The following GDA variants were observed in gnomAD, a reference collection of about 807,000 sequenced individuals.
GDA encodes cytoplasmic PSD-95 interactor.
Under a neutral mutation model 59.6 loss-of-function variants are expected in GDA, and 18 were observed. The observed-to-expected ratio is 0.30, with a 90% CI of 0.21 to 0.45. GDA has a LOEUF of 0.45. Among genes scored for constraint, GDA ranks in the 20% least tolerant of loss-of-function variants. GDA has a pLI of 1.00. For synonymous variants in GDA, 201 were observed against 201.1 expected (o/e 1.00, Z 0.00); for missense variants, 427 against 552.3 (o/e 0.77, Z 2.27).
rs57189170 is a variant in GDA at position 72,127,510 on chromosome 9, G to A, written c.-100+12677G>A. ...AAATTAGTTAGGTGTGGTGGTGTGCGTCTGTAGTCCCAGCTACTCAGGAGG... is the reference window on the plus strand; with the variant it reads ...AAATTAGTTAGGTGTGGTGGTGTGCATCTGTAGTCCCAGCTACTCAGGAGG... On this transcript the variant is annotated intron_variant, in intron 1 of 13. Transcript: ENST00000545168. 7.0e-3 allele frequency among the ~76,000 whole-genome samples: 1,061 copies of A among 151,860 alleles called. 11 individuals are homozygous for A. Among genetic ancestry groups the A allele is most frequent in the African/African-American group, 0.024 (987 of 41,394 alleles).
intron 6 of GDA, 144 bp from the exon 7 acceptor site, chr9:72,222,975 TG>T (rs752999287): frequency 8.0e-6 from 4 of 498,972 alleles, no homozygotes; most frequent in Non-Finnish European, 1.1e-5. Context: ...CTCAAAGTGC[TG>T]GGATTACAGG....
chr9:72,206,753 C>T (rs920395300), intron 3 of GDA, among the ~76,000 whole-genome samples: 2 of 152,082 alleles, frequency 1.3e-5, no homozygotes, highest in African/African-American at 4.8e-5. Flanking sequence ...GTCTGGGTGA[C>T]AGAGTGAGAC....
chr9:72,182,159 AATTAAC>A (rs1222288028), intron 1 of GDA, among the ~76,000 whole-genome samples: 1 of 152,164 alleles, frequency 6.6e-6, no homozygotes, highest in East Asian at 1.9e-4. Context: ...TGGGTCAGGA[AATTAAC>A]ATAGGTATAA....
chr9:72,247,172 A>C (rs575795061), intron 12 of GDA, among the ~76,000 whole-genome samples: 1 of 152,226 alleles, frequency 6.6e-6, no homozygotes, highest in African/African-American at 2.4e-5. Context: ...CAAAATTCAC[A>C]TACCCAGAAC....
chr9:72,225,831 A>G (rs1419517284), intron 8 of GDA, 47 bp downstream of exon 8: 1 of 718,392 alleles, frequency 1.4e-6, no homozygotes, highest in Non-Finnish European at 2.4e-6. Flanking sequence ...GGGCATATTT[A>G]TCTCAATTTT....
chr9:72,205,075 C>T (rs1275044434), intron 3 of GDA, among the ~76,000 whole-genome samples: 2 of 139,532 alleles, frequency 1.4e-5, no homozygotes, highest in African/African-American at 5.4e-5. Flanking sequence ...CAGGCCACTA[C>T]ACTCTAGCCT....
At position 72,210,188 on chromosome 9, in the gene GDA, C is replaced by A; in HGVS notation, c.385-499C>A. 1.3e-5 allele frequency among the ~76,000 whole-genome samples: 2 copies of A among 152,184 alleles called. 1 individual carries two copies. The highest frequency in any genetic ancestry group is 4.8e-5 in the African/African-American group (2 of 41,434). ...TTCCAAGAAGATATTGAAATGTTTT[C>A]TCTGCTCATGTCTCTCCTCTCATGT... On this transcript the variant is annotated intron_variant, in intron 3 of 13. Transcript: ENST00000358399.
intron 1 of GDA, among the ~76,000 whole-genome samples, chr9:72,171,575 T>C (rs1005133889): frequency 2.0e-5 from 3 of 152,150 alleles, no homozygotes; most frequent in Non-Finnish European, 2.9e-5. Context: ...ATTTTTTTTT[T>C]CCTGTTCAGA....
intron 1 of GDA, among the ~76,000 whole-genome samples, chr9:72,118,130 G>T (rs1383167650): frequency 6.6e-6 from 1 of 151,750 alleles, no homozygotes; most frequent in Non-Finnish European, 1.5e-5. Context: ...AAATTAGGCG[G>T]GCATGGTGGC....
intron 1 of GDA, among the ~76,000 whole-genome samples, chr9:72,163,890 G>A (rs1828965097): frequency 6.6e-6 from 1 of 152,212 alleles, no homozygotes; most frequent in South Asian, 2.1e-4. Context: ...AGTTTCAGCA[G>A]CCAGGCTTGC....
intron 1 of GDA, among the ~76,000 whole-genome samples, chr9:72,154,528 C>T (rs775208813): frequency 1.3e-5 from 2 of 152,082 alleles, no homozygotes; most frequent in Non-Finnish European, 2.9e-5. Flanking sequence ...GGTCACAGAA[C>T]CTTAGCTTTT....
chr9:72,233,560 C>A (rs145107620), intron 10 of GDA, among the ~76,000 whole-genome samples: 166 of 152,276 alleles, frequency 1.1e-3, no homozygotes, highest in African/African-American at 3.7e-3. Context: ...GGAGTTTCTT[C>A]TAAAGTTAAA....
At position 72,248,268 on chromosome 9, in the gene GDA, T is replaced by C. The variant is rs369896012; in HGVS notation, c.1295-4T>C. 11 of 1,600,746 alleles carry C rather than the reference T, an allele frequency of 6.9e-6. No individual in the cohort carries two copies. In the African/African-American group the frequency reaches 1.3e-4, roughly 19 times the overall value. On this transcript the variant is annotated splice_region_variant and splice_polypyrimidine_tract_variant and intron_variant, in intron 13 of 13. Coordinates refer to ENST00000358399, the MANE Select transcript of GDA (RefSeq NM_004293.5). ...TATACATGATTCCTTGATTTTTCTT[T>C]CAGGAGATGATCGAAATATTGAAGA...
chr9:72,116,899 A>T (rs1401046971), intron 1 of GDA, among the ~76,000 whole-genome samples: 1 of 151,686 alleles, frequency 6.6e-6, no homozygotes, highest in Non-Finnish European at 1.5e-5. Flanking sequence ...TACATTAGGT[A>T]TATCTCCTAA....
At chr9:72,200,621 A>T (rs1349886560) in intron 2 of GDA, among the ~76,000 whole-genome samples, 2 of 152,188 alleles carry the variant, frequency 1.3e-5, no homozygotes, top group African/African-American at 2.4e-5. Context: ...TGGTTAAACA[A>T]TTTAACTGCA....
intron 1 of GDA, among the ~76,000 whole-genome samples, chr9:72,123,998 TG>T (rs1323327289): frequency 2.6e-5 from 4 of 152,350 alleles, no homozygotes; most frequent in Non-Finnish European, 5.9e-5. Context: ...AATTGAAGGC[TG>T]TGCTGCCATT....
intron 1 of GDA, among the ~76,000 whole-genome samples, chr9:72,169,057 C>T (rs1266361644): frequency 1.3e-5 from 2 of 152,234 alleles, no homozygotes; most frequent in Non-Finnish European, 2.9e-5. Flanking sequence ...ACGGCAAACT[C>T]CTAAGGGATT....
chr9:72,231,038 C>T (rs1024063252), intron 9 of GDA, 76 bp from the exon 10 acceptor site: 8 of 849,358 alleles, frequency 9.4e-6, no homozygotes, highest in Non-Finnish European at 1.4e-5. Flanking sequence ...AGTGGCATCA[C>T]CGTCATTGTT....
intron 1 of GDA, among the ~76,000 whole-genome samples, chr9:72,168,996 CCT>C (rs1164236566): frequency 6.6e-6 from 1 of 152,200 alleles, no homozygotes; most frequent in Non-Finnish European, 1.5e-5. Context: ...TAGTCACCAG[CCT>C]CTGTTACAAG....
Sources: allele counts gnomAD v4.1 joint callset (sites outside exome capture counted in the v4.1 genomes callset), GRCh38; gene constraint gnomAD v4.1.1; transcripts MANE v1.5; gene names NCBI Gene and HGNC (gene_info 2026-07-23, HGNC 2026-07-21).